The following VPS13D variants were observed in gnomAD, a reference collection of about 807,000 sequenced individuals.
The protein encoded by VPS13D is vacuolar protein sorting 13 homolog D.
A neutral mutation model predicts 461.9 loss-of-function variants in VPS13D; 187 were observed. The observed-to-expected ratio is 0.40, with a 90% CI of 0.36 to 0.46. The LOEUF (loss-of-function observed/expected upper bound fraction) is 0.46, where lower values mean the gene tolerates loss of function less well. Ranked by LOEUF, VPS13D falls within the 20% of genes least tolerant of loss-of-function variation. The probability of loss-of-function intolerance (pLI) is 0.60; values close to 1 mark genes in which losing one functional copy is unlikely to be tolerated. For missense variants in VPS13D, 4,711 were observed against 5,364.9 expected, an observed-to-expected ratio of 0.88 and a Z score of 3.81; for synonymous variants, 1,951 against 1,986.3, an observed-to-expected ratio of 0.98 and a Z score of 0.47.
chr1:12,266,078 T>G (rs567650450), intron 13 of VPS13D, among the ~76,000 whole-genome samples: 2 of 152,074 alleles, frequency 1.3e-5, no homozygotes, highest in Non-Finnish European at 2.9e-5. Flanking sequence ...GGTAGGAGGA[T>G]CCCTTGAGCC....
Position 12,296,108 on chromosome 1 carries a change from T to C in VPS13D, c.6033+2404T>C, listed in dbSNP as rs532150654. Among the ~76,000 whole-genome samples, 6 of 152,368 alleles carry C rather than the reference T, an allele frequency of 3.9e-5. No homozygotes were observed. The East Asian group carries it at 1.2e-3, about 29-fold the overall frequency. On this transcript the variant is annotated intron_variant, in intron 24 of 69. Transcript: ENST00000620676. ...TTTCCTTTGGAACACTTGGGCTGTT[T>C]ACAGTGTTTAGCTCTTATGTACTGT...
intron 57 of VPS13D, among the ~76,000 whole-genome samples, chr1:12,381,929 T>TTCTTTC (rs1491503387): frequency 4.6e-5 from 4 of 86,948 alleles, no homozygotes; most frequent in African/African-American, 2.4e-4. Flanking sequence ...TTCTTTTCTT[T>TTCTTTC]CTTTCTTTCT....
At chr1:12,470,367 C>T (rs1299635412) in intron 67 of VPS13D, among the ~76,000 whole-genome samples, 1 of 152,220 alleles carries the variant, frequency 6.6e-6, no homozygotes, top group Non-Finnish European at 1.5e-5. Context: ...ATAACTGGCA[C>T]CTGCCCACCT....
Position 12,276,324 on chromosome 1 carries a change from G to A in VPS13D, c.2736G>A (p.Gln912=). ...CAGAAATGAAAACTTCTGACACTCA[G>A]ATTAAAGAAAAGATTTTTCCCCAGG... ...TTPEMKTSDT[Q]IKEKIFPQEE... The change falls in exon 19 of 70, where the codon CAG becomes CAA. Residue 912 remains glutamine, a synonymous_variant. Transcript: ENST00000620676. The surrounding 1 kb of genome is among the most constrained non-coding windows in gnomAD (Gnocchi z 4.5). The A allele has an allele frequency of 6.2e-7, 1 of 1,614,160 alleles. No individual in the cohort carries two copies. The highest frequency in any genetic ancestry group is 2.2e-5 in the East Asian group (1 of 44,870).
At chr1:12,274,058 TGAGATG>T (rs1412043675) in intron 18 of VPS13D, among the ~76,000 whole-genome samples, 1 of 152,206 alleles carries the variant, frequency 6.6e-6, no homozygotes, top group African/African-American at 2.4e-5. Flanking sequence ...TTTGTTTTTT[TGAGATG>T]GAGTCTCACT....
At chr1:12,476,270 A>C (rs567702400) in intron 67 of VPS13D, among the ~76,000 whole-genome samples, 1 of 152,358 alleles carries the variant, frequency 6.6e-6, no homozygotes, top group East Asian at 1.9e-4. Context: ...AGATAGAAAA[A>C]GTCAACAGGA....
intron 39 of VPS13D, 44 bp downstream of exon 39, chr1:12,335,871 C>G: frequency 6.2e-7 from 1 of 1,611,510 alleles, no homozygotes. Flanking sequence ...CACTTTTGAC[C>G]TACAAAGCAA....
intron 67 of VPS13D, among the ~76,000 whole-genome samples, chr1:12,472,485 T>C (rs1645576179): frequency 6.6e-6 from 1 of 152,248 alleles, no homozygotes; most frequent in South Asian, 2.1e-4. Flanking sequence ...GCCTCCATCT[T>C]TCTGAAATGC....
At chr1:12,354,362 C>T in intron 47 of VPS13D, 141 bp downstream of exon 47, 1 of 1,104,920 alleles carries the variant, frequency 9.1e-7, no homozygotes. Context: ...GGAATCAGTG[C>T]AGTTAAAAAA....
At chr1:12,401,026 A>G (rs182720691) in intron 61 of VPS13D, among the ~76,000 whole-genome samples, 2 of 151,914 alleles carry the variant, frequency 1.3e-5, no homozygotes, top group Admixed American at 6.6e-5. Flanking sequence ...ATATTGGGAA[A>G]GGGCTATGAT....
Position 12,279,254 on chromosome 1 carries a change from C to G in VPS13D, c.4451-245C>G, listed in dbSNP as rs1241638730. Among the ~76,000 whole-genome samples the G allele has an allele frequency of 6.6e-6, 1 of 152,098 alleles. No homozygotes were observed. The highest frequency in any genetic ancestry group is 2.4e-5 in the African/African-American group (1 of 41,396). ...CGTGCTTTGAAGCTACCAAGTGGAG[C>G]ATGTGATGAAAATATTGTTTCTTTT... is the stretch of plus-strand genomic sequence containing the variant. On this transcript the variant is annotated intron_variant, in intron 19 of 69. Transcript: ENST00000620676. The surrounding 1 kb of genome is among the most constrained non-coding windows in gnomAD (Gnocchi z 4.3).
chr1:12,289,349 C>T (rs1275192583), intron 22 of VPS13D, among the ~76,000 whole-genome samples: 1 of 152,162 alleles, frequency 6.6e-6, no homozygotes, highest in Admixed American at 6.5e-5. Flanking sequence ...TCCCAAAGTG[C>T]TGGGATTACA....
At chr1:12,326,541 G>A (rs947701725) in intron 35 of VPS13D, among the ~76,000 whole-genome samples, 6 of 151,650 alleles carry the variant, frequency 4.0e-5, no homozygotes, top group African/African-American at 1.5e-4. Flanking sequence ...TTGCTATGTT[G>A]CCCAGGCTGG....
At chr1:12,257,200 A>G in intron 9 of VPS13D, 113 bp downstream of exon 9, 2 of 905,276 alleles carry the variant, frequency 2.2e-6, no homozygotes, top group Middle Eastern at 2.2e-4. Flanking sequence ...ATAAAAGTAC[A>G]GTTGATTTTT....
chr1:12,325,524 C>T (rs952536249), intron 35 of VPS13D, among the ~76,000 whole-genome samples: 4 of 152,212 alleles, frequency 2.6e-5, no homozygotes, highest in Non-Finnish European at 4.4e-5. Flanking sequence ...TCCCAAAGTG[C>T]TGAGATTACA....
In VPS13D at chr1:12,277,829, A is replaced by G. The variant is rs771548523; in HGVS notation, c.4241A>G (p.Asp1414Gly). ...TTCATCCAGAATTTTGTGGCGGGAG[A>G]TGATGAATCCAGAAGTGACCGTCTG... Reference protein sequence around the residue: ...QIFIQNFVAGDDESRSDRLQV... With the variant: ...QIFIQNFVAGGDESRSDRLQV... The change falls in exon 19 of 70, where the codon GAT becomes GGT. Residue 1414 changes from aspartate to glycine, a missense_variant. Transcript: ENST00000620676. 5.0e-6 allele frequency: 8 copies of G among 1,613,594 alleles called. No homozygotes were observed. Among genetic ancestry groups the G allele is most frequent in the Admixed American group, 1.7e-5 (1 of 59,984 alleles).
At chr1:12,373,095 GTTTT>G (rs571503565) in intron 54 of VPS13D, among the ~76,000 whole-genome samples, 10 of 37,238 alleles carry the variant, frequency 2.7e-4, no homozygotes, top group South Asian at 2.4e-3. Flanking sequence ...GTCTGGCTTG[GTTTT>G]TTTTTTTTTT....
At chr1:12,294,018 T>G (rs1642205549) in intron 24 of VPS13D, among the ~76,000 whole-genome samples, 1 of 152,214 alleles carries the variant, frequency 6.6e-6, no homozygotes, top group South Asian at 2.1e-4. Flanking sequence ...AGTGGTAGGT[T>G]TTTTCTAAAT....
At chr1:12,329,370 C>T (rs372766115) in intron 36 of VPS13D, among the ~76,000 whole-genome samples, 4 of 152,110 alleles carry the variant, frequency 2.6e-5, no homozygotes, top group East Asian at 3.9e-4. Context: ...CCCGCTACCA[C>T]GCCCAGCCAG....
Sources: allele counts gnomAD v4.1 joint callset (sites outside exome capture counted in the v4.1 genomes callset), GRCh38; gene constraint gnomAD v4.1.1; non-coding constraint Gnocchi (gnomAD v3.1); transcripts MANE v1.5; gene names NCBI Gene and HGNC (gene_info 2026-07-23, HGNC 2026-07-21).